HSDL1: variants seen among roughly 807,000 people sequenced by gnomAD.
The protein encoded by HSDL1 is hydroxysteroid dehydrogenase like 1, also known as inactive hydroxysteroid dehydrogenase-like protein 1.
In HSDL1, 29 loss-of-function variants were observed where a neutral mutation model predicts 31.5. The observed-to-expected ratio is 0.92, with a 90% CI of 0.69 to 1.26. The LOEUF (loss-of-function observed/expected upper bound fraction) is 1.26. Ranked by LOEUF, HSDL1 falls within the 50% of genes most tolerant of loss-of-function variation. The pLI is 0.00. For synonymous variants in HSDL1, 222 were observed against 155.2 expected (o/e 1.43, Z -3.20); for missense variants, 503 against 416.6 (o/e 1.21, Z -1.81).
chr16:84,136,287 GAAAGGA>G (rs566997961), intron 1 of HSDL1, among the ~76,000 whole-genome samples: 6 of 151,734 alleles, frequency 4.0e-5, no homozygotes, highest in Non-Finnish European at 8.8e-5. Flanking sequence ...AGGAGGAAAT[GAAAGGA>G]AACCCCTGGT....
chr16:84,145,072 C>T lies in HSDL1; in HGVS notation c.-69+8G>A, dbSNP rs1001391260. ...GAGAGGGCGCCCAGGGCGCGGGGGG[C>T]GCGGTACCTGCAGGCCGGCAAAGTC... On this transcript the variant is annotated splice_region_variant and intron_variant, in intron 1 of 5. Coordinates refer to ENST00000219439, the MANE Select transcript of HSDL1 (RefSeq NM_031463.5). 1.5e-3 allele frequency: 237 copies of T among 156,584 alleles called. No individual in the cohort carries two copies. The highest frequency in any genetic ancestry group is 1.9e-3 in the Non-Finnish European group (137 of 71,298). The allele number at this position is 156,584 out of a possible 1,614,324, so 9.7% of individuals were successfully genotyped here.
rs1477738568 is a variant in HSDL1 at position 84,129,978 on chromosome 16, C to T, written c.666+8G>A. On this transcript the variant is annotated splice_region_variant and intron_variant, in intron 4 of 5. Coordinates refer to ENST00000219439, the MANE Select transcript of HSDL1 (RefSeq NM_031463.5). ...TAGGATTTCATCTTCCAGTAAGTAACATCTGACCTTAGAAGCAGAAAATGC... is the reference window on the plus strand; with the variant it reads ...TAGGATTTCATCTTCCAGTAAGTAATATCTGACCTTAGAAGCAGAAAATGC... 1.2e-6 allele frequency: 2 copies of T among 1,610,058 alleles called. No individual in the cohort carries two copies. The highest frequency in any genetic ancestry group is 2.7e-5 in the African/African-American group (2 of 74,840).
At chr16:84,138,858 T>G (rs11863399) in intron 1 of HSDL1, among the ~76,000 whole-genome samples, 9,416 of 152,208 alleles carry the variant, frequency 0.062, 957 homozygotes, top group African/African-American at 0.21. Flanking sequence ...AAACTGCAAG[T>G]AGCAAAGTCA....
chr16:84,137,751 G>A (rs1223882167), intron 1 of HSDL1, among the ~76,000 whole-genome samples: 1 of 152,222 alleles, frequency 6.6e-6, no homozygotes, highest in East Asian at 1.9e-4. Flanking sequence ...CATGACAAAA[G>A]AAATCAGTAC....
At chr16:84,143,834 T>TAAA (rs752024972) in intron 1 of HSDL1, among the ~76,000 whole-genome samples, 6 of 112,086 alleles carry the variant, frequency 5.4e-5, no homozygotes, top group African/African-American at 1.7e-4. Flanking sequence ...CCGTCTCTAC[T>TAAA]AAAAAAAAAA....
chr16:84,140,517 G>A (rs1228979138), intron 1 of HSDL1, among the ~76,000 whole-genome samples: 1 of 151,972 alleles, frequency 6.6e-6, no homozygotes, highest in Non-Finnish European at 1.5e-5. Context: ...CACCCACCTC[G>A]GCCTCCCAAA....
Position 84,130,220 on chromosome 16 carries a change from G to A in HSDL1, c.432C>T (p.Asp144=), listed in dbSNP as rs1225125541. 1.2e-5 allele frequency: 20 copies of A among 1,614,086 alleles called. No individual in the cohort carries two copies. The highest frequency in any genetic ancestry group is 4.5e-5 in the East Asian group (2 of 44,898). Residue 144 remains aspartate (D), a synonymous_variant, in exon 4 of 6, where the codon GAC becomes GAT. Transcript: ENST00000219439. ...CCACGTTATTTACCAAGATGCCAAC[G>A]TCTTTGTCCTTCAGGGCTTCTCGAA... The part of the protein sequence containing the change: ...LPIREALKDK[D]VGILVNNVGV...
At chr16:84,133,594 G>C (rs1199961474) in intron 2 of HSDL1, among the ~76,000 whole-genome samples, 1 of 152,218 alleles carries the variant, frequency 6.6e-6, no homozygotes, top group African/African-American at 2.4e-5. Flanking sequence ...GCTGGGCATG[G>C]TGGTGGGCAC....
At chr16:84,125,720 G>C (rs28414744) in intron 5 of HSDL1, among the ~76,000 whole-genome samples, 2 of 152,180 alleles carry the variant, frequency 1.3e-5, no homozygotes, top group East Asian at 1.9e-4. Flanking sequence ...CCACCTACCC[G>C]ACTTTCTGTA....
At position 84,131,292 on chromosome 16, in the gene HSDL1, C is replaced by T. The variant is rs1050395595; in HGVS notation, c.30G>A (p.Leu10=). The change falls in exon 3 of 6, where the codon TTG becomes TTA. Residue 10 remains leucine (L), a synonymous_variant. Coordinates refer to ENST00000219439, the MANE Select transcript of HSDL1 (RefSeq NM_031463.5). MAAVDSFYL[L]YREIARSCNC... ...TGCAAGACCTGGCGATTTCCCTGTA[C>T]AAGAGGTAGAAACTGTCAACAGCAG... 3 of 1,614,064 alleles carry T rather than the reference C, an allele frequency of 1.9e-6. No individual in the cohort carries two copies. The highest frequency in any genetic ancestry group is 2.2e-5 in the East Asian group (1 of 44,884).
intron 1 of HSDL1, among the ~76,000 whole-genome samples, chr16:84,138,933 C>T (rs758001222): frequency 6.6e-6 from 1 of 152,202 alleles, no homozygotes; most frequent in South Asian, 2.1e-4. Flanking sequence ...GGGGACTCCA[C>T]CTAGCAGTGT....
chr16:84,127,685 A>T (rs960589546), intron 5 of HSDL1, among the ~76,000 whole-genome samples: 1 of 149,746 alleles, frequency 6.7e-6, no homozygotes, highest in Non-Finnish European at 1.5e-5. Context: ...AAAAAAAAAA[A>T]TTCGGACCAG....
rs368643792 is a variant in HSDL1, at chr16:84,129,750, G to C, written c.692C>G (p.Ala231Gly). The C allele has an allele frequency of 1.2e-6, 2 of 1,613,894 alleles. No individual in the cohort carries two copies. The highest frequency in any genetic ancestry group is 2.7e-5 in the African/African-American group (2 of 74,924). Residue 231 changes from alanine (A) to glycine (G), a missense_variant, in exon 5 of 6, where the codon GCC becomes GGC. Coordinates refer to ENST00000219439, the MANE Select transcript of HSDL1 (RefSeq NM_031463.5). ...TTTAGAGGCATATTCATATTGCAAG[G>C]CTCTGCTGAAGTGGTCTAAATAAGC... ...SKAYLDHFSR[A>G]LQYEYASKGI...
At chr16:84,140,337 T>G (rs1056688289) in intron 1 of HSDL1, among the ~76,000 whole-genome samples, 1 of 152,212 alleles carries the variant, frequency 6.6e-6, no homozygotes, top group Non-Finnish European at 1.5e-5. Flanking sequence ...CAATTTCTGC[T>G]CACTGCAACC....
intron 2 of HSDL1, among the ~76,000 whole-genome samples, chr16:84,133,654 GGGA>G (rs1445870864): frequency 1.3e-5 from 2 of 152,160 alleles, no homozygotes; most frequent in South Asian, 2.1e-4. Context: ...GCTTGAACCC[GGGA>G]GGAGGAAGTT....
intron 3 of HSDL1, among the ~76,000 whole-genome samples, chr16:84,130,712 G>A (rs1390750119): frequency 2.0e-5 from 3 of 152,196 alleles, no homozygotes; most frequent in African/African-American, 7.2e-5. Flanking sequence ...ACTACTATCT[G>A]GCTTGAATGA....
At chr16:84,126,388 A>C (rs2086606999) in intron 5 of HSDL1, among the ~76,000 whole-genome samples, 1 of 152,046 alleles carries the variant, frequency 6.6e-6, no homozygotes, top group African/African-American at 2.4e-5. Context: ...AATGTCTGAA[A>C]ACAAATTTGG....
chr16:84,130,504 C>CCT (rs1567520193), intron 3 of HSDL1, 73 bp from the exon 4 acceptor site: 2 of 1,281,392 alleles, frequency 1.6e-6, no homozygotes, highest in East Asian at 4.6e-5. Flanking sequence ...CAAAGTACCC[C>CCT]CTGTCAGGTT....
At chr16:84,128,182 C>T (rs550529711) in intron 5 of HSDL1, among the ~76,000 whole-genome samples, 22 of 151,440 alleles carry the variant, frequency 1.5e-4, no homozygotes, top group African/African-American at 4.8e-4. Context: ...CCAGCTACTC[C>T]GGAGGCTGAG....
Sources: allele counts gnomAD v4.1 joint callset (sites outside exome capture counted in the v4.1 genomes callset), GRCh38; gene constraint gnomAD v4.1.1; transcripts MANE v1.5; gene names NCBI Gene and HGNC (gene_info 2026-07-23, HGNC 2026-07-21).